The following OGDH variants were observed in gnomAD, a reference collection of about 807,000 sequenced individuals.
OGDH encodes oxoglutarate dehydrogenase, also known as 2-oxoglutarate dehydrogenase complex component E1.
A neutral mutation model predicts 116.6 loss-of-function variants in OGDH; 38 were observed. The observed-to-expected ratio is 0.33, with a 90% CI of 0.25 to 0.43. The LOEUF (loss-of-function observed/expected upper bound fraction) is 0.43. Among genes scored for constraint, OGDH ranks in the 20% least tolerant of loss-of-function variants. The pLI is 1.00. For missense variants in OGDH, 825 were observed against 1,357.2 expected (o/e 0.61, Z 6.16); for synonymous variants, 488 against 533.3 (o/e 0.92, Z 1.17).
At chr7:44,629,671 C>T (rs1041287030) in intron 2 of OGDH, among the ~76,000 whole-genome samples, 2 of 150,226 alleles carry the variant, frequency 1.3e-5, no homozygotes, top group African/African-American at 4.9e-5. Context: ...CTTCCGCTTC[C>T]TGGGTTCAAG....
Position 44,656,244 on chromosome 7 carries a change from G to A in OGDH, c.517+8485G>A, listed in dbSNP as rs146128536. ...TAATGGTGTAGGGTTTTGGTGTTTG[G>A]GTCTTTTTTAAACTAACTCTCACCT... On this transcript the variant is annotated intron_variant, in intron 4 of 22. Transcript: ENST00000222673. 249 of 1,442,530 alleles carry A rather than the reference G, an allele frequency of 1.7e-4. No individual in the cohort carries two copies. In the East Asian group the frequency reaches 5.6e-3, roughly 33 times the overall value. The allele number at this position is 1,442,530 out of a possible 1,614,324, so 89.4% of individuals were successfully genotyped here.
chr7:44,662,740 G>A (rs566970663), intron 4 of OGDH, among the ~76,000 whole-genome samples: 117 of 152,276 alleles, frequency 7.7e-4, no homozygotes, highest in Middle Eastern at 6.8e-3. Context: ...GGGATTACCG[G>A]CGTGAGCCAC....
intron 10 of OGDH, among the ~76,000 whole-genome samples, chr7:44,689,424 CA>C (rs1446496072): frequency 1.1e-5 from 1 of 90,810 alleles, no homozygotes; most frequent in Non-Finnish European, 2.1e-5. Context: ...TTTTTGGTAG[CA>C]ACAGGGTTTT....
intron 1 of OGDH, among the ~76,000 whole-genome samples, chr7:44,610,603 T>G (rs1408744862): frequency 7.5e-6 from 1 of 132,822 alleles, no homozygotes; most frequent in African/African-American, 2.9e-5. Context: ...CTCCTAGCCC[T>G]TTTCATCTTT....
intron 1 of OGDH, among the ~76,000 whole-genome samples, chr7:44,611,312 G>A (rs1784555993): frequency 6.6e-6 from 1 of 151,888 alleles, no homozygotes; most frequent in African/African-American, 2.4e-5. Context: ...CCAGGCTGGA[G>A]TGCTGGAGTG....
In OGDH at chr7:44,675,486, G is replaced by A. The variant is rs1787651899; in HGVS notation, c.1026+218G>A. ...AGCCCCACTCTGAGTGCAGGGGTGT[G>A]TCCCCTCTGGCTGAGGGACGTTCTC... On this transcript the variant is annotated intron_variant, in intron 8 of 22. Coordinates refer to ENST00000222673, the MANE Select transcript of OGDH (RefSeq NM_002541.4). 2.0e-5 allele frequency among the ~76,000 whole-genome samples: 3 copies of A among 152,192 alleles called. No homozygotes were observed. In the South Asian group the frequency reaches 6.2e-4, roughly 31 times the overall value.
intron 1 of OGDH, 28 bp from the exon 2 acceptor site, chr7:44,624,289 T>TTG: frequency 1.5e-6 from 2 of 1,337,180 alleles, no homozygotes; most frequent in Admixed American, 2.1e-5. Context: ...CCTTTCTTTC[T>TTG]TGTTTTTTTT....
At chr7:44,611,544 G>C (rs1784568390) in intron 1 of OGDH, among the ~76,000 whole-genome samples, 1 of 151,820 alleles carries the variant, frequency 6.6e-6, no homozygotes, top group Non-Finnish European at 1.5e-5. Flanking sequence ...CCAAAGTGCT[G>C]GGATTACAGG....
chr7:44,620,055 C>G (rs1032876130), intron 1 of OGDH, among the ~76,000 whole-genome samples: 3 of 152,196 alleles, frequency 2.0e-5, no homozygotes, highest in African/African-American at 7.2e-5. Flanking sequence ...GAGTCTCGCT[C>G]TGTCACTCAG....
intron 10 of OGDH, among the ~76,000 whole-genome samples, chr7:44,682,304 G>C (rs1225217569): frequency 6.6e-6 from 1 of 151,820 alleles, no homozygotes; most frequent in Non-Finnish European, 1.5e-5. Context: ...AGAATTGCTT[G>C]AACCCGAGAG....
At chr7:44,647,834 TC>T in intron 4 of OGDH, 75 bp downstream of exon 4, 2 of 1,134,074 alleles carry the variant, frequency 1.8e-6, no homozygotes, top group Non-Finnish European at 2.7e-6. Context: ...AGCCAGGATG[TC>T]CAGGCAGGAG....
chr7:44,683,105 CG>C (rs1787997230), intron 10 of OGDH, among the ~76,000 whole-genome samples: 1 of 151,354 alleles, frequency 6.6e-6, no homozygotes, highest in Non-Finnish European at 1.5e-5. Flanking sequence ...GCTGAGATCA[CG>C]CCACTGCACT....
chr7:44,617,910 C>T (rs1320592618), intron 1 of OGDH, among the ~76,000 whole-genome samples: 2 of 152,060 alleles, frequency 1.3e-5, no homozygotes, highest in Admixed American at 6.6e-5. Context: ...TATTGATAGG[C>T]GTCAGTAGTT....
At position 44,687,048 on chromosome 7, in the gene OGDH, TTCTGTTTGGG is replaced by T. The variant is rs1394430172; in HGVS notation, c.1335+5201_1335+5210del. 4.0e-5 allele frequency among the ~76,000 whole-genome samples: 6 copies of T among 151,622 alleles called. No homozygotes were observed. In the South Asian group the frequency reaches 1.0e-3, roughly 26 times the overall value. ...ATCTTGGCATGAATTTCTTTGGGATTTCTGTTTGGGATATGCTCATGTTTTTAAAAAAATT... is the reference window on the plus strand; with the variant it reads ...ATCTTGGCATGAATTTCTTTGGGATTATATGCTCATGTTTTTAAAAAAATT... On this transcript the variant is annotated intron_variant, in intron 10 of 22. Coordinates refer to ENST00000222673, the MANE Select transcript of OGDH (RefSeq NM_002541.4).
At chr7:44,627,539 G>C (rs1010952112) in intron 2 of OGDH, among the ~76,000 whole-genome samples, 8 of 152,172 alleles carry the variant, frequency 5.3e-5, no homozygotes, top group Non-Finnish European at 1.2e-4. Flanking sequence ...AATGTCCTGA[G>C]GTCGGATTCC....
intron 7 of OGDH, 152 bp from the exon 8 acceptor site, chr7:44,675,026 C>T: frequency 3.1e-6 from 2 of 646,588 alleles, no homozygotes; most frequent in Non-Finnish European, 5.6e-6. Flanking sequence ...TCGGTTCCCA[C>T]ATTAGCTCCA....
intron 20 of OGDH, among the ~76,000 whole-genome samples, chr7:44,705,046 A>ATTTT (rs1585406047): frequency 1.1e-5 from 1 of 87,684 alleles, no homozygotes; most frequent in African/African-American, 6.0e-5. Flanking sequence ...AAAGTTTTTA[A>ATTTT]TTTTCTTTTT....
rs932028210 is a variant in OGDH at position 44,707,098 on chromosome 7, G to A, written c.2633-127G>A. ...ATACAGGGCATCAGAGGCTGGTGAA[G>A]GGGAAGCATCTCTAACCCTTGAAAG... On this transcript the variant is annotated intron_variant, in intron 20 of 22. Coordinates refer to ENST00000222673, the MANE Select transcript of OGDH (RefSeq NM_002541.4). The surrounding 1 kb of genome is among the most constrained non-coding windows in gnomAD (Gnocchi z 5.2). 6.8e-5 allele frequency: 63 copies of A among 931,828 alleles called. No individual in the cohort carries two copies. Among genetic ancestry groups the A allele is most frequent in the Non-Finnish European group, 9.8e-5 (61 of 622,206 alleles). The allele number at this position is 931,828 out of a possible 1,614,324, so 57.7% of individuals were successfully genotyped here.
intron 4 of OGDH, among the ~76,000 whole-genome samples, chr7:44,657,619 T>A (rs780450171): frequency 7.9e-5 from 12 of 152,208 alleles, no homozygotes; most frequent in Non-Finnish European, 8.8e-5. Context: ...TTCTATGCCC[T>A]AAGTTTTTAA....
Sources: allele counts gnomAD v4.1 joint callset (sites outside exome capture counted in the v4.1 genomes callset), GRCh38; gene constraint gnomAD v4.1.1; non-coding constraint Gnocchi (gnomAD v3.1); transcripts MANE v1.5; gene names NCBI Gene and HGNC (gene_info 2026-07-23, HGNC 2026-07-21).